Variants in CFAP47 observed in about 807,000 individuals in gnomAD.
The protein encoded by CFAP47 is cilia and flagella associated protein 47, also known as cilia- and flagella-associated protein 47.
CFAP47 carries 29 observed loss-of-function variants against 148.1 expected under a neutral mutation model. The observed-to-expected ratio is 0.20, with a 90% CI of 0.15 to 0.27. The LOEUF (loss-of-function observed/expected upper bound fraction) is 0.27. Among genes scored for constraint, CFAP47 ranks in the 10% least tolerant of loss-of-function variants. The pLI, the probability that CFAP47 is intolerant of heterozygous loss-of-function variation, is 1.00. For missense variants in CFAP47, 1,872 were observed against 1,697.5 expected (o/e 1.10, Z -1.81); for synonymous variants, 664 against 577.3 (o/e 1.15, Z -2.15).
chrX:36,229,132 G>A (rs1336705956), intron 46 of CFAP47, among the ~76,000 whole-genome samples: 1 of 111,513 alleles, frequency 9.0e-6, no homozygotes, highest in Non-Finnish European at 1.9e-5. Context: ...TCTAAATTCT[G>A]TTGTGATCTA....
At chrX:36,086,019 CTTTA>C (rs1377441289) in intron 30 of CFAP47, among the ~76,000 whole-genome samples, 1 of 111,635 alleles carries the variant, frequency 9.0e-6, no homozygotes, top group Non-Finnish European at 1.9e-5. Flanking sequence ...AACCAACAAG[CTTTA>C]TTTCTCAGAC....
chrX:36,264,169 CT>C, intron 49 of CFAP47, among the ~76,000 whole-genome samples: 1 of 111,615 alleles, frequency 9.0e-6, no homozygotes, highest in Non-Finnish European at 1.9e-5. Flanking sequence ...CTTCCCTCTC[CT>C]TTCCTCAAGG....
At chrX:36,176,025 G>T (rs1358567894) in intron 39 of CFAP47, among the ~76,000 whole-genome samples, 1 of 112,068 alleles carries the variant, frequency 8.9e-6, no homozygotes, top group African/African-American at 3.2e-5. Flanking sequence ...TAAGCCCATC[G>T]GAAAAGCGCA....
intron 15 of CFAP47, among the ~76,000 whole-genome samples, chrX:35,989,061 T>C (rs754176270): frequency 1.8e-5 from 2 of 112,151 alleles, no homozygotes; most frequent in African/African-American, 3.2e-5. Context: ...TTTCCAAATA[T>C]TGGCATATTT....
intron 15 of CFAP47, among the ~76,000 whole-genome samples, chrX:35,981,358 C>T (rs7884620): frequency 0.26 from 27,230 of 103,707 alleles, 4,825 homozygotes; most frequent in African/African-American, 0.63. Context: ...GCAAGGACTG[C>T]CTACTAGATA....
chrX:36,364,438 T>TA (rs1941853848), intron 61 of CFAP47, among the ~76,000 whole-genome samples: 1 of 99,101 alleles, frequency 1.0e-5, no homozygotes, highest in East Asian at 3.3e-4. Flanking sequence ...CAGATTGTCC[T>TA]AATAAATAAA....
In CFAP47 at chrX:36,310,825, T is replaced by C. The variant is rs782740497; in HGVS notation, c.8188-8T>C. 2.7e-5 allele frequency: 30 copies of C among 1,129,960 alleles called. No homozygotes were observed. In the East Asian group the frequency reaches 1.0e-3, roughly 38 times the overall value. 93.1% of individuals were successfully genotyped at this position (1,129,960 alleles called of 1,213,427 possible). A position where few individuals can be genotyped will look rare whatever the true frequency, so the allele number is the denominator to read the frequency against. ...ACACATAAGTTACGAATACTTATCT[T>C]CAAACAGTTTACAGAATGGAAATTC... On this transcript the variant is annotated splice_polypyrimidine_tract_variant and splice_region_variant and intron_variant, in intron 55 of 63. Transcript: ENST00000378653.
chrX:36,363,874 G>A (rs1294694064), intron 61 of CFAP47, among the ~76,000 whole-genome samples: 1 of 110,840 alleles, frequency 9.0e-6, no homozygotes, highest in Non-Finnish European at 1.9e-5. Context: ...AAAAATCAAG[G>A]GTCCAATACA....
rs762374140 is a variant in CFAP47, at chrX:36,128,518, A to T, written c.5321-9440A>T. Among the ~76,000 whole-genome samples, 3 of 111,303 alleles carry T rather than the reference A, an allele frequency of 2.7e-5. No homozygotes were observed. The South Asian group carries it at 1.1e-3, about 41-fold the overall frequency. The stretch of plus-strand genomic sequence containing the variant: ...TTGGTGCTCATTTAAATTCTACAAT[A>T]TTGCTTGAAACTCAGATATGAAGAT... On this transcript the variant is annotated intron_variant, in intron 33 of 63. Transcript: ENST00000378653.
In CFAP47 at chrX:35,956,088, C is replaced by T; in HGVS notation, c.1302C>T (p.Cys434=). The T allele has an allele frequency of 8.3e-7, 1 of 1,210,526 alleles. No individual in the cohort carries two copies. Among genetic ancestry groups the T allele is most frequent in the Non-Finnish European group, 1.1e-6 (1 of 894,718 alleles). ...TGGGTGAACGTTCAGAAATTCAGTG[C>T]ATCATAAAAAATCAATGCGAATTAC... is the stretch of plus-strand genomic sequence containing the variant. ...CFMGERSEIQ[C]IIKNQCELLP... The change falls in exon 8 of 64, where the codon TGC becomes TGT. Residue 434 remains cysteine (C), a synonymous_variant. Coordinates refer to ENST00000378653, the MANE Select transcript of CFAP47 (RefSeq NM_001304548.2).
intron 18 of CFAP47, among the ~76,000 whole-genome samples, chrX:35,997,071 A>G (rs1319278586): frequency 9.0e-6 from 1 of 111,726 alleles, no homozygotes; most frequent in Non-Finnish European, 1.9e-5. Context: ...TCTGCTTTCA[A>G]ATTCACAAAC....
In CFAP47 at chrX:36,073,337, C is replaced by T; in HGVS notation, c.4664C>T (p.Ser1555Phe). Residue 1555 changes from serine (S) to phenylalanine (F), a missense_variant, in exon 29 of 64, where the codon TCT becomes TTT. Ser to Phe is a radical substitution (Grantham distance 155). Coordinates refer to ENST00000378653, the MANE Select transcript of CFAP47 (RefSeq NM_001304548.2). ...SLFGWPEGPHSFSIPETIRRD... is the reference protein window; with the variant it reads ...SLFGWPEGPHFFSIPETIRRD... ...TTTGGCTGGCCTGAAGGACCCCATT[C>T]TTTTTCTATTCCAGAGACTATAAGA... 8.3e-7 allele frequency: 1 copy of T among 1,204,054 alleles called. No homozygotes were observed. Among genetic ancestry groups the T allele is most frequent in the Non-Finnish European group, 1.1e-6 (1 of 888,956 alleles).
intron 46 of CFAP47, among the ~76,000 whole-genome samples, chrX:36,234,661 G>A (rs1168560573): frequency 1.8e-5 from 2 of 112,270 alleles, no homozygotes; most frequent in African/African-American, 6.5e-5. Context: ...CTGGTGAGGA[G>A]CTGCGTTCCT....
rs372579436 is a variant in CFAP47 at position 36,048,981 on chromosome X, C to T, written c.4217+1918C>T. ...AGCAGGAACAGATTATGAAAGTCGTCCATGCTCTGCTTTGCTATCCATGAG... is the reference window on the plus strand; with the variant it reads ...AGCAGGAACAGATTATGAAAGTCGTTCATGCTCTGCTTTGCTATCCATGAG... On this transcript the variant is annotated intron_variant, in intron 26 of 63. Coordinates refer to ENST00000378653, the MANE Select transcript of CFAP47 (RefSeq NM_001304548.2). Among the ~76,000 whole-genome samples the T allele has an allele frequency of 6.3e-5, 7 of 110,954 alleles. 1 individual carries two copies. Among genetic ancestry groups the T allele is most frequent in the East Asian group, 5.7e-4 (2 of 3,531 alleles).
intron 10 of CFAP47, among the ~76,000 whole-genome samples, chrX:35,969,734 A>G (rs1235039509): frequency 9.0e-6 from 1 of 111,661 alleles, no homozygotes; most frequent in Non-Finnish European, 1.9e-5. Flanking sequence ...GAAAATTTAA[A>G]TATCAAAAAT....
chrX:35,927,000 A>G (rs970919283), intron 2 of CFAP47, among the ~76,000 whole-genome samples: 4 of 107,515 alleles, frequency 3.7e-5, no homozygotes, highest in Non-Finnish European at 7.7e-5. Flanking sequence ...CAAAAAAAAG[A>G]AAAAAAAACC....
chrX:35,946,935 T>C (rs1434230727), intron 3 of CFAP47, among the ~76,000 whole-genome samples: 3 of 111,857 alleles, frequency 2.7e-5, no homozygotes, highest in African/African-American at 9.8e-5. Flanking sequence ...TGCTGTAATA[T>C]AGGCACAAAA....
At chrX:36,050,676 G>A (rs1937515951) in intron 26 of CFAP47, among the ~76,000 whole-genome samples, 1 of 112,417 alleles carries the variant, frequency 8.9e-6, no homozygotes, top group African/African-American at 3.2e-5. Flanking sequence ...CTGTGGAGAA[G>A]TTCAAGTCAG....
chrX:36,359,312 C>A (rs1556018887), intron 60 of CFAP47, among the ~76,000 whole-genome samples: 3 of 111,120 alleles, frequency 2.7e-5, no homozygotes, highest in Non-Finnish European at 1.9e-5. Flanking sequence ...AATAGAGGTG[C>A]TTTGAGAAGG....
Sources: allele counts gnomAD v4.1 joint callset (sites outside exome capture counted in the v4.1 genomes callset), GRCh38; gene constraint gnomAD v4.1.1; transcripts MANE v1.5; gene names NCBI Gene and HGNC (gene_info 2026-07-23, HGNC 2026-07-21).